The following PEX14 variants were observed in gnomAD, a reference collection of about 807,000 sequenced individuals.
PEX14 encodes peroxisomal biogenesis factor 14, also known as peroxisomal membrane protein PEX14.
In PEX14, 15 loss-of-function variants were observed where a neutral mutation model predicts 49.5. The observed-to-expected ratio is 0.30, with a 90% CI of 0.20 to 0.47. PEX14 has a LOEUF of 0.47. PEX14 is among the 20% of genes least tolerant of loss of function. The pLI is 1.00. For missense variants in PEX14, 398 were observed against 494.8 expected (o/e 0.80, Z 1.86); for synonymous variants, 210 against 212.7 (o/e 0.99, Z 0.11).
chr1:10,500,824 C>T (rs1394935759), intron 2 of PEX14, among the ~76,000 whole-genome samples: 2 of 152,214 alleles, frequency 1.3e-5, no homozygotes, highest in African/African-American at 4.8e-5. Context: ...ATCCTCCTGC[C>T]TTGGCCTCCC....
intron 3 of PEX14, among the ~76,000 whole-genome samples, chr1:10,592,669 C>T (rs1008653989): frequency 3.9e-5 from 6 of 152,188 alleles, no homozygotes; most frequent in Non-Finnish European, 7.3e-5. Context: ...CAAGGGAGTA[C>T]GTCTGCCTTG....
At chr1:10,483,456 G>C (rs537121200) in intron 1 of PEX14, among the ~76,000 whole-genome samples, 242 of 152,164 alleles carry the variant, frequency 1.6e-3, no homozygotes, top group African/African-American at 5.6e-3. Context: ...AGCTGGGACT[G>C]CAGGTGTGCA....
rs1261793886 is a variant in PEX14, at chr1:10,623,442, G to A, written c.487+321G>A. 3.3e-5 allele frequency among the ~76,000 whole-genome samples: 5 copies of A among 152,054 alleles called. No homozygotes were observed. Among genetic ancestry groups the A allele is most frequent in the African/African-American group, 1.2e-4 (5 of 41,358 alleles). On this transcript the variant is annotated intron_variant, in intron 6 of 8. Transcript: ENST00000356607. This position sits in a 1 kb window ranked among gnomAD's most constrained non-coding sequence, Gnocchi z 4.4. ...ATTTCTGCTTCTATGAGGTTTTCAG[G>A]GGGGTTTTCAGTGATTTTCCCCCTT...
chr1:10,487,946 A>G (rs981624896), intron 1 of PEX14, among the ~76,000 whole-genome samples: 4 of 151,178 alleles, frequency 2.6e-5, no homozygotes, highest in Non-Finnish European at 5.9e-5. Flanking sequence ...ACACCTGGCT[A>G]ATTTTTGTAT....
chr1:10,552,018 G>A (rs6700023), intron 3 of PEX14, among the ~76,000 whole-genome samples: 110,488 of 151,832 alleles, frequency 0.73, 41,311 homozygotes, highest in Non-Finnish European at 0.82. Flanking sequence ...TCTTGAACCC[G>A]GGAGGTGGAG....
chr1:10,610,572 C>T lies in PEX14; in HGVS notation c.299-7760C>T, dbSNP rs182631118. ...TCTTGGCTCACTGTAACCTCTGCCT[C>T]CCGGGTGGGTTCAAGTGATTCTCCT... On this transcript the variant is annotated intron_variant, in intron 4 of 8. Transcript: ENST00000356607. Among the ~76,000 whole-genome samples, 647 of 152,006 alleles carry T rather than the reference C, an allele frequency of 4.3e-3. 5 individuals carry two copies. Among genetic ancestry groups the T allele is most frequent in the African/African-American group, 0.015 (608 of 41,474 alleles).
intron 3 of PEX14, among the ~76,000 whole-genome samples, chr1:10,580,784 T>G (rs1336709893): frequency 6.8e-5 from 10 of 146,832 alleles, no homozygotes; most frequent in African/African-American, 1.3e-4. Flanking sequence ...TAGCTGTTCT[T>G]TTTTTTTTCA....
intron 3 of PEX14, among the ~76,000 whole-genome samples, chr1:10,556,786 C>T (rs1050361255): frequency 1.2e-4 from 18 of 152,210 alleles, no homozygotes; most frequent in Admixed American, 5.9e-4. Context: ...ACACACTTCA[C>T]AAATACCAGC....
At chr1:10,478,040 C>G (rs1641226278) in intron 1 of PEX14, among the ~76,000 whole-genome samples, 1 of 151,992 alleles carries the variant, frequency 6.6e-6, no homozygotes, top group Non-Finnish European at 1.5e-5. Context: ...AGGTATGCAC[C>G]ACCAGGCCTG....
chr1:10,480,543 G>A (rs1385013477), intron 1 of PEX14, among the ~76,000 whole-genome samples: 3 of 151,802 alleles, frequency 2.0e-5, no homozygotes, highest in South Asian at 2.1e-4. Context: ...ACAGGTGCCC[G>A]CCACCATGCC....
At chr1:10,560,119 A>G (rs1291851776) in intron 3 of PEX14, among the ~76,000 whole-genome samples, 1 of 151,356 alleles carries the variant, frequency 6.6e-6, no homozygotes, top group African/African-American at 2.4e-5. Context: ...ATGCAATGGC[A>G]CGATCTTGGC....
chr1:10,482,072 G>T (rs1292235655), intron 1 of PEX14, among the ~76,000 whole-genome samples: 3 of 151,998 alleles, frequency 2.0e-5, no homozygotes, highest in African/African-American at 7.3e-5. Flanking sequence ...CAGTCTGCCC[G>T]TCTGGGCCTC....
rs1024916563 is a variant in PEX14 at position 10,512,210 on chromosome 1, G to A, written c.84+16889G>A. 3.3e-5 allele frequency among the ~76,000 whole-genome samples: 5 copies of A among 152,018 alleles called. No individual in the cohort carries two copies. The highest frequency in any genetic ancestry group is 4.8e-5 in the African/African-American group (2 of 41,392). On this transcript the variant is annotated intron_variant, in intron 2 of 8. Transcript: ENST00000356607. This position sits in a 1 kb window ranked among gnomAD's most constrained non-coding sequence, Gnocchi z 4.6. ...CCTGACCTCGTGATCTGCCCTCCTC[G>A]GCCTCCCAAAGTGCTGAGATTACAG...
At chr1:10,585,150 T>C (rs1411182761) in intron 3 of PEX14, among the ~76,000 whole-genome samples, 2 of 152,168 alleles carry the variant, frequency 1.3e-5, no homozygotes, top group Admixed American at 6.6e-5. Flanking sequence ...CATCCAGTAA[T>C]TACTGTTGCA....
chr1:10,583,044 G>A (rs988092118), intron 3 of PEX14, among the ~76,000 whole-genome samples: 8 of 151,808 alleles, frequency 5.3e-5, no homozygotes, highest in South Asian at 2.1e-4. Flanking sequence ...GCCTGGTAAC[G>A]GTTTTTATAC....
chr1:10,572,961 C>G (rs1021641300), intron 3 of PEX14, among the ~76,000 whole-genome samples: 1 of 152,166 alleles, frequency 6.6e-6, no homozygotes, highest in African/African-American at 2.4e-5. Flanking sequence ...GCCTATTGCT[C>G]CCAGACTACA....
chr1:10,615,278 C>G (rs1261324161), intron 4 of PEX14, among the ~76,000 whole-genome samples: 2 of 152,174 alleles, frequency 1.3e-5, no homozygotes, highest in Non-Finnish European at 2.9e-5. Context: ...GTTTGCGATG[C>G]AGATCACAGA....
intron 2 of PEX14, among the ~76,000 whole-genome samples, chr1:10,508,798 G>A (rs1052415748): frequency 3.9e-5 from 6 of 152,222 alleles, no homozygotes; most frequent in Non-Finnish European, 7.3e-5. Flanking sequence ...ACTGAGGGAG[G>A]AGCGGGTGAC....
At chr1:10,587,658 G>C (rs1570312873) in intron 3 of PEX14, among the ~76,000 whole-genome samples, 1 of 151,942 alleles carries the variant, frequency 6.6e-6, no homozygotes, top group Non-Finnish European at 1.5e-5. Flanking sequence ...GTATATTCAA[G>C]GTCCTTTATT....
Sources: allele counts gnomAD v4.1 joint callset (sites outside exome capture counted in the v4.1 genomes callset), GRCh38; gene constraint gnomAD v4.1.1; non-coding constraint Gnocchi (gnomAD v3.1); transcripts MANE v1.5; gene names NCBI Gene and HGNC (gene_info 2026-07-23, HGNC 2026-07-21).